Variants in NKAIN3 observed in about 807,000 individuals in gnomAD.
NKAIN3 encodes sodium/potassium-transporting ATPase subunit beta-1-interacting protein 3.
In NKAIN3, 25 loss-of-function variants were observed where a neutral mutation model predicts 30.2. The ratio of observed to expected loss-of-function variants is 0.83; its 90% CI spans 0.60 to 1.16. The LOEUF is 1.16. Among genes scored for constraint, NKAIN3 ranks in the 50% most tolerant of loss-of-function variants. The probability of loss-of-function intolerance (pLI) is 0.00; values close to 1 mark genes in which losing one functional copy is unlikely to be tolerated. For missense variants in NKAIN3, 225 were observed against 254.1 expected, an observed-to-expected ratio of 0.89 and a Z score of 0.78; for synonymous variants, 91 against 89.6, an observed-to-expected ratio of 1.02 and a Z score of -0.09.
intron 5 of NKAIN3, among the ~76,000 whole-genome samples, chr8:62,998,077 C>A (rs1804162266): frequency 6.6e-6 from 1 of 152,164 alleles, no homozygotes; most frequent in Non-Finnish European, 1.5e-5. Flanking sequence ...CACATCAGCA[C>A]TCATTTGCTG....
chr8:62,793,064 A>G lies in NKAIN3; in HGVS notation c.471+45935A>G, dbSNP rs963922171. Among the ~76,000 whole-genome samples, 25 of 152,100 alleles carry G rather than the reference A, an allele frequency of 1.6e-4. 1 individual carries two copies. Among genetic ancestry groups the G allele is most frequent in the Admixed American group, 1.6e-3 (25 of 15,240 alleles). ...TGGAGTTTCAGAGATGCAAAATACT[A>G]CAATTCATCTGTGGAGTCTTAAGCC... On this transcript the variant is annotated intron_variant, in intron 4 of 6. Transcript: ENST00000623646.
rs1163856444 is a variant in NKAIN3, at chr8:62,978,867, G to T, written c.*13460G>T. On this transcript the variant is annotated 3_prime_UTR_variant, in exon 7 of 7. Transcript: ENST00000623646. ...GTGTAGGCACCCAAGGGATCTCCTT[G>T]TCTGTGGATTGCGAAGACCATGGGA... The T allele has an allele frequency of 6.5e-6, 1 of 154,388 alleles. No homozygotes were observed. The highest frequency in any genetic ancestry group is 1.5e-5 in the Non-Finnish European group (1 of 68,296). The allele number at this position is 154,388 out of a possible 1,614,324, so 9.6% of individuals were successfully genotyped here. A position where few individuals can be genotyped will look rare whatever the true frequency, so the allele number is the denominator to read the frequency against.
intron 3 of NKAIN3, among the ~76,000 whole-genome samples, chr8:62,657,577 T>C (rs1213624480): frequency 6.6e-6 from 1 of 152,212 alleles, no homozygotes; most frequent in Non-Finnish European, 1.5e-5. Context: ...GTTTACATAT[T>C]GCATTATCAA....
intron 4 of NKAIN3, among the ~76,000 whole-genome samples, chr8:62,834,407 G>GATTCTATAC (rs1216060260): frequency 6.6e-6 from 1 of 152,054 alleles, no homozygotes; most frequent in Non-Finnish European, 1.5e-5. Context: ...CTGACAATAT[G>GATTCTATAC]ATTCTATACC....
At position 62,685,339 on chromosome 8, in the gene NKAIN3, T is replaced by A. The variant is rs952748677; in HGVS notation, c.274-61593T>A. 7.2e-5 allele frequency among the ~76,000 whole-genome samples: 11 copies of A among 152,184 alleles called. 1 individual carries two copies. Among genetic ancestry groups the A allele is most frequent in the Non-Finnish European group, 1.6e-4 (11 of 68,022 alleles). ...TTAGAAAAAAATGATGTTAAAAGGGTTCAGTCCTCATTTTCAGTCACTGAT... is the reference window on the plus strand; with the variant it reads ...TTAGAAAAAAATGATGTTAAAAGGGATCAGTCCTCATTTTCAGTCACTGAT... On this transcript the variant is annotated intron_variant, in intron 3 of 6. Coordinates refer to ENST00000623646, the MANE Select transcript of NKAIN3 (RefSeq NM_001304533.3).
At chr8:62,645,262 A>T (rs533845585) in intron 3 of NKAIN3, among the ~76,000 whole-genome samples, 21 of 152,292 alleles carry the variant, frequency 1.4e-4, no homozygotes, top group African/African-American at 5.1e-4. Flanking sequence ...CAGTTCTTTG[A>T]AGCTATTGCA....
chr8:62,509,900 G>A (rs1306425657), intron 1 of NKAIN3, among the ~76,000 whole-genome samples: 1 of 152,114 alleles, frequency 6.6e-6, no homozygotes, highest in Non-Finnish European at 1.5e-5. Flanking sequence ...TAATTAGCAT[G>A]TGGATCTTGC....
intron 3 of NKAIN3, among the ~76,000 whole-genome samples, chr8:62,676,998 C>T (rs890806329): frequency 3.3e-5 from 5 of 152,100 alleles, no homozygotes; most frequent in African/African-American, 9.7e-5. Flanking sequence ...GGATTACAGA[C>T]GTGAGCCACT....
chr8:62,436,279 A>G (rs961316337), intron 1 of NKAIN3, among the ~76,000 whole-genome samples: 5 of 152,150 alleles, frequency 3.3e-5, no homozygotes, highest in African/African-American at 1.2e-4. Context: ...TTTTACCGCA[A>G]ATGTTACTGA....
intron 1 of NKAIN3, among the ~76,000 whole-genome samples, chr8:62,371,179 A>T (rs557399717): frequency 1.3e-5 from 2 of 151,790 alleles, no homozygotes; most frequent in Non-Finnish European, 3.0e-5. Flanking sequence ...CAGACAACAT[A>T]TTTTGTTGTT....
chr8:62,267,414 T>A (rs1235812634), intron 1 of NKAIN3, among the ~76,000 whole-genome samples: 1 of 152,216 alleles, frequency 6.6e-6, no homozygotes, highest in Non-Finnish European at 1.5e-5. Context: ...TGCAGTTTCT[T>A]ATGTTTCCCT....
rs188465091 is a variant in NKAIN3 at position 62,320,220 on chromosome 8, G to A, written c.54+71093G>A. On this transcript the variant is annotated intron_variant, in intron 1 of 6. Coordinates refer to ENST00000623646, the MANE Select transcript of NKAIN3 (RefSeq NM_001304533.3). The stretch of plus-strand genomic sequence containing the variant: ...CTCCATCCCTTTATTTTGAGCCTAC[G>A]TGTGTCTCTGCATGTGAGATGGGTT... 3.1e-3 allele frequency among the ~76,000 whole-genome samples: 471 copies of A among 152,128 alleles called. 3 individuals are homozygous for A. Among genetic ancestry groups the A allele is most frequent in the African/African-American group, 0.01 (429 of 41,488 alleles).
chr8:62,737,227 C>T (rs879642137), intron 3 of NKAIN3, among the ~76,000 whole-genome samples: 20 of 152,164 alleles, frequency 1.3e-4, no homozygotes, highest in Non-Finnish European at 2.5e-4. Context: ...TGCTGTCTGC[C>T]ATTTTTTCCT....
At chr8:62,481,672 C>T (rs932779549) in intron 1 of NKAIN3, among the ~76,000 whole-genome samples, 2 of 152,236 alleles carry the variant, frequency 1.3e-5, no homozygotes, top group South Asian at 2.1e-4. Context: ...ATCTAGAAAT[C>T]GATACCAATA....
rs940418990 is a variant in NKAIN3, at chr8:62,972,647, T to C, written c.*7240T>C. Among the ~76,000 whole-genome samples, 2 of 152,168 alleles carry C rather than the reference T, an allele frequency of 1.3e-5. No individual in the cohort carries two copies. The highest frequency in any genetic ancestry group is 2.9e-5 in the Non-Finnish European group (2 of 68,022). On this transcript the variant is annotated 3_prime_UTR_variant, in exon 7 of 7. Transcript: ENST00000623646. The stretch of plus-strand genomic sequence containing the variant: ...AAATTCCTTTGCAGATCTTGAGTAT[T>C]TGCCAATATTCTCTATGATTTATTT...
intron 5 of NKAIN3, among the ~76,000 whole-genome samples, chr8:62,940,421 A>G (rs1822920257): frequency 6.6e-6 from 1 of 152,168 alleles, no homozygotes; most frequent in Non-Finnish European, 1.5e-5. Flanking sequence ...AAATGAACTT[A>G]ACAGATATTT....
chr8:62,436,688 A>G (rs1238590025), intron 1 of NKAIN3, among the ~76,000 whole-genome samples: 1 of 152,154 alleles, frequency 6.6e-6, no homozygotes, highest in East Asian at 1.9e-4. Context: ...TTGTTATTTG[A>G]TGACAATTTT....
chr8:62,807,120 A>G (rs1818321079), intron 4 of NKAIN3, among the ~76,000 whole-genome samples: 3 of 152,224 alleles, frequency 2.0e-5, no homozygotes, highest in Admixed American at 6.5e-5. Flanking sequence ...ATTTGTGCAC[A>G]TATGCATTTG....
At chr8:62,689,803 G>A (rs974246035) in intron 3 of NKAIN3, among the ~76,000 whole-genome samples, 1 of 151,932 alleles carries the variant, frequency 6.6e-6, no homozygotes, top group Non-Finnish European at 1.5e-5. Flanking sequence ...CAATCATCGA[G>A]TCAGATGAGT....
Sources: gnomAD v4.1 joint callset for allele counts (sites outside exome capture counted in the v4.1 genomes callset) on GRCh38, gnomAD v4.1.1 for gene constraint, MANE v1.5 for transcripts, NCBI Gene and HGNC (gene_info 2026-07-23, HGNC 2026-07-21) for gene names.